Variants in FGF9 observed in about 807,000 individuals in gnomAD.
The protein encoded by FGF9 is fibroblast growth factor 9, also known as fibroblast growth factor 9 (glia-activating factor).
FGF9 carries 3 observed loss-of-function variants against 19.9 expected under a neutral mutation model. The observed-to-expected ratio is 0.15, with a 90% CI of 0.07 to 0.39. The LOEUF (loss-of-function observed/expected upper bound fraction) is 0.39, where lower values mean the gene tolerates loss of function less well. Ranked by LOEUF, FGF9 falls within the 10% of genes least tolerant of loss-of-function variation. FGF9 has a pLI of 1.00. For missense variants in FGF9, 175 were observed against 256.8 expected (o/e 0.68, Z 2.18); for synonymous variants, 107 against 106.9 (o/e 1.00, Z -0.01).
chr13:21,684,143 C>T (rs924299696), intron 2 of FGF9, among the ~76,000 whole-genome samples: 3 of 152,242 alleles, frequency 2.0e-5, no homozygotes, highest in African/African-American at 7.2e-5. Flanking sequence ...GGAAATATTA[C>T]TTCTTCTGCA....
In FGF9 at chr13:21,702,102, A is replaced by G. The variant is rs1872564376; in HGVS notation, c.*667A>G. The G allele has an allele frequency of 6.6e-6, 1 of 151,928 alleles. No individual in the cohort carries two copies. Among genetic ancestry groups the G allele is most frequent in the South Asian group, 2.1e-4 (1 of 4,818 alleles). 9.4% of individuals were successfully genotyped at this position (151,928 alleles called of 1,614,324 possible). A position where few individuals can be genotyped will look rare whatever the true frequency, so the allele number is the denominator to read the frequency against. ...ATTTATTATATAGAGTTTATTTTTA[A>G]TGAAACATGTACAGGCCAGATAGGC... On this transcript the variant is annotated 3_prime_UTR_variant, in exon 3 of 3. Transcript: ENST00000382353.
At chr13:21,678,376 C>T (rs1162840595) in intron 1 of FGF9, among the ~76,000 whole-genome samples, 2 of 152,132 alleles carry the variant, frequency 1.3e-5, no homozygotes, top group Non-Finnish European at 2.9e-5. Flanking sequence ...AGTCCAGTTG[C>T]TTGGGGGCTA....
Position 21,671,591 on chromosome 13 carries a change from C to A in FGF9, c.-322C>A, listed in dbSNP as rs1415512085. On this transcript the variant is annotated 5_prime_UTR_variant, in exon 1 of 3. Coordinates refer to ENST00000382353, the MANE Select transcript of FGF9 (RefSeq NM_002010.3). ...ACGGATTTTTTTTCCTTATTACGGTCGGATGGGATGAAGACCTTCCTGCCT... is the reference window on the plus strand; with the variant it reads ...ACGGATTTTTTTTCCTTATTACGGTAGGATGGGATGAAGACCTTCCTGCCT... 1 of 499,834 alleles carries A rather than the reference C, an allele frequency of 2.0e-6. No homozygotes were observed. The highest frequency in any genetic ancestry group is 3.7e-5 in the Admixed American group (1 of 27,310). The allele number at this position is 499,834 out of a possible 1,614,324, so 31.0% of individuals were successfully genotyped here. A position where few individuals can be genotyped will look rare whatever the true frequency, so the allele number is the denominator to read the frequency against.
rs1190759406 is a variant in FGF9 at position 21,672,576 on chromosome 13, G to C, written c.277+387G>C. On this transcript the variant is annotated intron_variant, in intron 1 of 2. Transcript: ENST00000382353. This position sits in a 1 kb window ranked among gnomAD's most constrained non-coding sequence, Gnocchi z 4.2. ...TACTAAGAACTTAATGCAGTTTCTT[G>C]AAGGCAGTGGGTATCTTGTGCCCAA... Among the ~76,000 whole-genome samples the C allele has an allele frequency of 2.0e-5, 3 of 152,214 alleles. No individual in the cohort carries two copies. The highest frequency in any genetic ancestry group is 4.4e-5 in the Non-Finnish European group (3 of 68,044).
rs1762162325 is a variant in FGF9, at chr13:21,681,912, T to TA, written c.381+767_381+768insA. The stretch of plus-strand genomic sequence containing the variant: ...AGGGACTTAATACATTTTTGCTGAA[T>TA]GTATAAGTATGAATAATATATACTA... On this transcript the variant is annotated intron_variant, in intron 2 of 2. Transcript: ENST00000382353. Among the ~76,000 whole-genome samples the TA allele has an allele frequency of 2.6e-5, 4 of 152,260 alleles. No homozygotes were observed. The South Asian group carries it at 8.3e-4, about 32-fold the overall frequency.
At chr13:21,675,605 C>T (rs906803534) in intron 1 of FGF9, among the ~76,000 whole-genome samples, 14 of 152,186 alleles carry the variant, frequency 9.2e-5, no homozygotes, top group Non-Finnish European at 1.9e-4. Flanking sequence ...GCAGCCTCTC[C>T]TCCGCAGCCC....
chr13:21,674,239 A>C (rs1328288794), intron 1 of FGF9: 2 of 151,646 alleles, frequency 1.3e-5, no homozygotes, highest in Non-Finnish European at 2.9e-5. Flanking sequence ...CCCCTGTCCC[A>C]TTCCGTGTCC....
intron 2 of FGF9, among the ~76,000 whole-genome samples, chr13:21,687,915 A>G (rs1872197861): frequency 6.6e-6 from 1 of 152,200 alleles, no homozygotes; most frequent in African/African-American, 2.4e-5. Flanking sequence ...TTGACCTGGA[A>G]AGGCAAAGTA....
At chr13:21,683,967 C>T (rs558258181) in intron 2 of FGF9, among the ~76,000 whole-genome samples, 1 of 152,360 alleles carries the variant, frequency 6.6e-6, no homozygotes, top group South Asian at 2.1e-4. Context: ...TTGCCAGGAG[C>T]ACCCTGTGTG....
At chr13:21,680,862 GTTGAAAA>G (rs1008660056) in intron 1 of FGF9, among the ~76,000 whole-genome samples, 173 bp from the exon 2 acceptor site, 1 of 152,204 alleles carries the variant, frequency 6.6e-6, no homozygotes, top group African/African-American at 2.4e-5. Context: ...ATAGAATTTA[GTTGAAAA>G]TCAATTCTTT....
In FGF9 at chr13:21,681,006, C is replaced by A. The variant is rs766107214; in HGVS notation, c.278-36C>A. ...GGACTCTAAGGACATGCTCTGTGAT[C>A]TGATCTGTCCTCTGCCTTCTACCCT... On this transcript the variant is annotated intron_variant, in intron 1 of 2. Transcript: ENST00000382353. The A allele has an allele frequency of 4.0e-6, 6 of 1,481,494 alleles. No homozygotes were observed. The South Asian group carries it at 5.7e-5, about 14-fold the overall frequency. 91.8% of individuals were successfully genotyped at this position (1,481,494 alleles called of 1,614,324 possible). A position where few individuals can be genotyped will look rare whatever the true frequency, so the allele number is the denominator to read the frequency against.
At chr13:21,677,966 C>T (rs1194160131) in intron 1 of FGF9, among the ~76,000 whole-genome samples, 2 of 152,116 alleles carry the variant, frequency 1.3e-5, no homozygotes, top group African/African-American at 4.8e-5. Flanking sequence ...CTGCCCATAC[C>T]CTGAACAGCT....
intron 2 of FGF9, among the ~76,000 whole-genome samples, chr13:21,692,729 GCACTGA>G (rs1476250098): frequency 2.0e-5 from 3 of 152,172 alleles, no homozygotes; most frequent in Non-Finnish European, 4.4e-5. Context: ...CACGAGAGAC[GCACTGA>G]CACTGTGTTT....
chr13:21,671,080 T>C lies in FGF9; in HGVS notation c.-833T>C, dbSNP rs1396422681. Among the ~76,000 whole-genome samples, 1 of 152,112 alleles carries C rather than the reference T, an allele frequency of 6.6e-6. No individual in the cohort carries two copies. The highest frequency in any genetic ancestry group is 1.5e-5 in the Non-Finnish European group (1 of 67,992). On this transcript the variant is annotated 5_prime_UTR_variant, in exon 1 of 3. Transcript: ENST00000382353. ...CCCAATGCCGCTGCCTGCGCCACTC[T>C]GCGCGCCGGCGGGGGCTGCGCAGGA...
Position 21,691,091 on chromosome 13 carries a change from C to T in FGF9, c.381+9946C>T, listed in dbSNP as rs995451580. On this transcript the variant is annotated intron_variant, in intron 2 of 2. Transcript: ENST00000382353. This position sits in a 1 kb window ranked among gnomAD's most constrained non-coding sequence, Gnocchi z 4.2. Reference sequence around the variant, plus strand: ...CAGGAACCCAACCCTGTATTTCCCCCGGGAGCAATGGTTCAGTATTCTAGG... The same window carrying T: ...CAGGAACCCAACCCTGTATTTCCCCTGGGAGCAATGGTTCAGTATTCTAGG... Among the ~76,000 whole-genome samples, 3 of 152,130 alleles carry T rather than the reference C, an allele frequency of 2.0e-5. No individual in the cohort carries two copies. The highest frequency in any genetic ancestry group is 1.9e-4 in the East Asian group (1 of 5,194).
At chr13:21,682,181 AT>A (rs34082236) in intron 2 of FGF9, among the ~76,000 whole-genome samples, 56 of 145,276 alleles carry the variant, frequency 3.9e-4, no homozygotes, top group African/African-American at 5.8e-4. Flanking sequence ...GTTAACGAAA[AT>A]TTTTTTTTTT....
chr13:21,693,066 G>T (rs1008542230), intron 2 of FGF9, among the ~76,000 whole-genome samples: 1 of 152,178 alleles, frequency 6.6e-6, no homozygotes, highest in African/African-American at 2.4e-5. Context: ...CAGGGTTAAG[G>T]CACAATTTTT....
rs1194361925 is a variant in FGF9, at chr13:21,702,301, G to A, written c.*866G>A. Reference sequence around the variant, plus strand: ...ATATTATTGTAAACTTATGCACATCGCTCATGACACTGAGTATTCACTCTT... The same window carrying A: ...ATATTATTGTAAACTTATGCACATCACTCATGACACTGAGTATTCACTCTT... On this transcript the variant is annotated 3_prime_UTR_variant, in exon 3 of 3. Coordinates refer to ENST00000382353, the MANE Select transcript of FGF9 (RefSeq NM_002010.3). 2.6e-5 allele frequency: 4 copies of A among 152,216 alleles called. No individual in the cohort carries two copies. The highest frequency in any genetic ancestry group is 9.6e-5 in the African/African-American group (4 of 41,538). 9.4% of individuals were successfully genotyped at this position (152,216 alleles called of 1,614,324 possible).
rs1871792013 is a variant in FGF9 at position 21,672,447 on chromosome 13, A to G, written c.277+258A>G. Among the ~76,000 whole-genome samples, 2 of 152,210 alleles carry G rather than the reference A, an allele frequency of 1.3e-5. No homozygotes were observed. Among genetic ancestry groups the G allele is most frequent in the African/African-American group, 2.4e-5 (1 of 41,454 alleles). Reference sequence around the variant, plus strand: ...TTTAATTTAAAGGGGGGCATAATTTATAAATATAATACAAGTTTCCAGTTC... The same window carrying G: ...TTTAATTTAAAGGGGGGCATAATTTGTAAATATAATACAAGTTTCCAGTTC... On this transcript the variant is annotated intron_variant, in intron 1 of 2. Transcript: ENST00000382353. The surrounding 1 kb of genome is among the most constrained non-coding windows in gnomAD (Gnocchi z 4.2).
Sources: allele counts gnomAD v4.1 joint callset (sites outside exome capture counted in the v4.1 genomes callset), GRCh38; gene constraint gnomAD v4.1.1; non-coding constraint Gnocchi (gnomAD v3.1); transcripts MANE v1.5; gene names NCBI Gene and HGNC (gene_info 2026-07-23, HGNC 2026-07-21).